The following ARG1 variants were observed in gnomAD, a reference collection of about 807,000 sequenced individuals.
ARG1 encodes arginase-1.
In ARG1, 20 loss-of-function variants were observed where a neutral mutation model predicts 33.0. That is an observed-to-expected ratio of 0.61 (90% CI 0.43 to 0.88). The LOEUF (loss-of-function observed/expected upper bound fraction) is 0.88. ARG1 is among the 40% of genes least tolerant of loss of function. ARG1 has a pLI of 0.00. For missense variants in ARG1, 374 were observed against 384.7 expected (o/e 0.97, Z 0.23); for synonymous variants, 146 against 140.6 (o/e 1.04, Z -0.27).
intron 3 of ARG1, among the ~76,000 whole-genome samples, 199 bp from the exon 4 acceptor site, chr6:131,581,020 T>C (rs942249627): frequency 1.3e-5 from 2 of 152,216 alleles, no homozygotes; most frequent in African/African-American, 4.8e-5. Context: ...TCGATGTAAA[T>C]ATAACTAGTT....
chr6:131,583,196 G>A, intron 6 of ARG1, 32 bp downstream of exon 6: 1 of 1,602,078 alleles, frequency 6.2e-7, no homozygotes, highest in Non-Finnish European at 8.6e-7. Context: ...ACACATGTGT[G>A]TGCAACAGAA....
chr6:131,579,857 TGAGAGA>T (rs142346886), intron 3 of ARG1, among the ~76,000 whole-genome samples: 2 of 149,118 alleles, frequency 1.3e-5, no homozygotes, highest in Non-Finnish European at 1.5e-5. Context: ...TGTGTGTGTG[TGAGAGA>T]GAGAGAGAGA....
intron 1 of ARG1, among the ~76,000 whole-genome samples, chr6:131,575,371 GC>G (rs1773565070): frequency 6.6e-6 from 1 of 152,096 alleles, no homozygotes; most frequent in Non-Finnish European, 1.5e-5. Flanking sequence ...AAAACTAAAG[GC>G]AAAACATGAA....
rs1340161680 is a variant in ARG1 at position 131,574,266 on chromosome 6, G to A, written c.57+927G>A. 2.5e-6 allele frequency: 4 copies of A among 1,613,868 alleles called. No homozygotes were observed. The South Asian group carries it at 4.4e-5, about 18-fold the overall frequency. Reference sequence around the variant, plus strand: ...GCAGCGTTTTGCTTCCTCTTAATTTGGAACCCTTGCTGTGTACTCTGACTT... The same window carrying A: ...GCAGCGTTTTGCTTCCTCTTAATTTAGAACCCTTGCTGTGTACTCTGACTT... On this transcript the variant is annotated intron_variant, in intron 1 of 7. Transcript: ENST00000368087.
chr6:131,582,758 T>G lies in ARG1; in HGVS notation c.560+43T>G, dbSNP rs201481295. On this transcript the variant is annotated intron_variant, in intron 5 of 7. Coordinates refer to ENST00000368087, the MANE Select transcript of ARG1 (RefSeq NM_000045.4). ...TGTGATTTGCCTCCATTTTTGTCCC[T>G]TTGTGTGCTAGATATGCTTTACTGA... 39 of 1,563,384 alleles carry G rather than the reference T, an allele frequency of 2.5e-5. No homozygotes were observed. In the African/African-American group the frequency reaches 4.2e-4, roughly 17 times the overall value.
intron 7 of ARG1, 110 bp from the exon 8 acceptor site, chr6:131,583,632 C>T (rs1774053390): frequency 6.6e-7 from 1 of 1,512,770 alleles, no homozygotes; most frequent in African/African-American, 1.4e-5. Flanking sequence ...AAAGTGTTTT[C>T]CATCGGTTAC....
intron 4 of ARG1, 61 bp downstream of exon 4, chr6:131,581,439 G>T (rs1585420727): frequency 2.0e-6 from 3 of 1,523,998 alleles, no homozygotes; most frequent in Admixed American, 1.8e-5. Flanking sequence ...TTCAGGAGGT[G>T]GAAGGGAAAT....
At chr6:131,582,738 T>C in intron 5 of ARG1, 23 bp downstream of exon 5, 3 of 1,607,264 alleles carry the variant, frequency 1.9e-6, no homozygotes, top group South Asian at 2.2e-5. Flanking sequence ...CTTGATGTGA[T>C]TTGCCTCCAT....
chr6:131,582,793 T>C (rs919674483), intron 5 of ARG1, 78 bp downstream of exon 5: 8 of 1,217,834 alleles, frequency 6.6e-6, no homozygotes, highest in African/African-American at 1.5e-5. Flanking sequence ...ACCAACTCTA[T>C]GAGAGAAAAT....
At chr6:131,577,038 G>C (rs949896831) in intron 2 of ARG1, among the ~76,000 whole-genome samples, 5 of 152,134 alleles carry the variant, frequency 3.3e-5, no homozygotes, top group African/African-American at 1.2e-4. Context: ...ACAGCAAATG[G>C]AAGGCAAGGT....
rs1320176592 is a variant in ARG1, at chr6:131,581,148, T to C, written c.306-71T>C. 5.4e-6 allele frequency: 8 copies of C among 1,490,556 alleles called. No homozygotes were observed. In the African/African-American group the frequency reaches 6.9e-5, roughly 13 times the overall value. 92.3% of individuals were successfully genotyped at this position (1,490,556 alleles called of 1,614,324 possible). ...CTCAAAGGAAAACCAAGTGGGAGCA[T>C]TGAGTGAATAATATGATGTATGTAG... On this transcript the variant is annotated intron_variant, in intron 3 of 7. Transcript: ENST00000368087.
intron 2 of ARG1, among the ~76,000 whole-genome samples, chr6:131,578,701 C>T (rs1222556608): frequency 4.0e-5 from 6 of 151,542 alleles, no homozygotes; most frequent in African/African-American, 9.7e-5. Context: ...ATATATATAC[C>T]GATATATATG....
intron 1 of ARG1, among the ~76,000 whole-genome samples, chr6:131,575,807 T>C (rs1034105225): frequency 6.6e-6 from 1 of 152,180 alleles, no homozygotes; most frequent in African/African-American, 2.4e-5. Flanking sequence ...AGAGTGTTAG[T>C]TTCCCTAATG....
intron 3 of ARG1, 123 bp downstream of exon 3, chr6:131,579,408 C>T: frequency 8.2e-7 from 1 of 1,216,434 alleles, no homozygotes; most frequent in South Asian, 1.5e-5. Context: ...ATCAAATTTT[C>T]TGCCTTTAAA....
intron 4 of ARG1, 48 bp from the exon 5 acceptor site, chr6:131,582,573 T>G (rs541810173): frequency 7.0e-7 from 1 of 1,428,224 alleles, no homozygotes; most frequent in South Asian, 1.1e-5. Context: ...AATGTAGGAT[T>G]TGTTCAAGAG....
Position 131,583,898 on chromosome 6 carries a change from C to T in ARG1, c.959C>T (p.Pro320Leu), listed in dbSNP as rs1278453710. ...CACAAGCCTATTGACTACCTTAACCCACCTAAGTAAATGTGGAAACATCCG... is the reference window on the plus strand; with the variant it reads ...CACAAGCCTATTGACTACCTTAACCTACCTAAGTAAATGTGGAAACATCCG... ...GNHKPIDYLN[P>L]PK The change falls in exon 8 of 8, where the codon CCA (proline) becomes CTA (leucine). Residue 320 changes from proline (P) to leucine (L), a missense_variant. Transcript: ENST00000368087. The T allele has an allele frequency of 1.4e-5, 23 of 1,613,912 alleles. No individual in the cohort carries two copies. The highest frequency in any genetic ancestry group is 1.9e-5 in the Non-Finnish European group (23 of 1,179,986).
chr6:131,582,562 G>C (rs1486227990), intron 4 of ARG1, 59 bp from the exon 5 acceptor site: 1 of 1,314,534 alleles, frequency 7.6e-7, no homozygotes, highest in African/African-American at 1.5e-5. Flanking sequence ...CTTTACCTTT[G>C]AATGTAGGAT....
chr6:131,582,584 A>AATCAT, intron 4 of ARG1, 37 bp from the exon 5 acceptor site: 1 of 1,520,854 alleles, frequency 6.6e-7, no homozygotes, highest in Non-Finnish European at 9.1e-7. Flanking sequence ...TGTTCAAGAG[A>AATCAT]ATCATACATA....
At position 131,581,262 on chromosome 6, in the gene ARG1, G is replaced by C. The variant is rs754655577; in HGVS notation, c.349G>C (p.Asp117His). 1.9e-6 allele frequency: 3 copies of C among 1,613,902 alleles called. No individual in the cohort carries two copies. Among genetic ancestry groups the C allele is most frequent in the Non-Finnish European group, 2.5e-6 (3 of 1,179,826 alleles). ...SISGHARVHPDLGVIWVDAHT... is the reference protein window; with the variant it reads ...SISGHARVHPHLGVIWVDAHT... The stretch of plus-strand genomic sequence containing the variant: ...CTCTGGCCATGCCAGGGTCCACCCT[G>C]ATCTTGGAGTCATCTGGGTGGATGC... The change falls in exon 4 of 8, where the codon GAT becomes CAT. Residue 117 changes from aspartate (D) to histidine (H), a missense_variant. Asp to His is a moderately conservative substitution (Grantham distance 81). Coordinates refer to ENST00000368087, the MANE Select transcript of ARG1 (RefSeq NM_000045.4).
Sources: gnomAD v4.1 joint callset for allele counts (sites outside exome capture counted in the v4.1 genomes callset) on GRCh38, gnomAD v4.1.1 for gene constraint, MANE v1.5 for transcripts, NCBI Gene and HGNC (gene_info 2026-07-23, HGNC 2026-07-21) for gene names.